The following WARS2 variants were observed in gnomAD, a reference collection of about 807,000 sequenced individuals.
WARS2 encodes the protein tryptophan--tRNA ligase, mitochondrial.
A neutral mutation model predicts 36.5 loss-of-function variants in WARS2; 28 were observed. The ratio of observed to expected loss-of-function variants is 0.77; its 90% CI spans 0.57 to 1.05. WARS2 has a LOEUF of 1.05. Ranked by LOEUF, WARS2 falls within the 50% of genes least tolerant of loss-of-function variation. WARS2 has a pLI of 0.00. For missense variants in WARS2, 435 were observed against 456.8 expected (o/e 0.95, Z 0.44); for synonymous variants, 174 against 178.4 (o/e 0.98, Z 0.20).
At chr1:119,035,054 G>A (rs1647757693) in intron 4 of WARS2, among the ~76,000 whole-genome samples, 1 of 152,138 alleles carries the variant, frequency 6.6e-6, no homozygotes, top group Non-Finnish European at 1.5e-5. Context: ...AAGAAATGAA[G>A]ATGTGAAACC....
At chr1:119,069,632 G>T (rs1214412487) in intron 2 of WARS2, among the ~76,000 whole-genome samples, 1 of 152,116 alleles carries the variant, frequency 6.6e-6, no homozygotes, top group Non-Finnish European at 1.5e-5. Flanking sequence ...ATAACTGAGT[G>T]GTGTAGTAGA....
At chr1:119,119,513 A>G (rs1655200775) in intron 1 of WARS2, among the ~76,000 whole-genome samples, 1 of 152,146 alleles carries the variant, frequency 6.6e-6, no homozygotes, top group African/African-American at 2.4e-5. Flanking sequence ...CAAGACAGGA[A>G]GTCAACAATG....
At chr1:119,043,055 G>A (rs1648509019) in intron 3 of WARS2, among the ~76,000 whole-genome samples, 2 of 152,154 alleles carry the variant, frequency 1.3e-5, no homozygotes, top group South Asian at 2.1e-4. Context: ...TAATAACTGG[G>A]GGGGGCAATA....
chr1:119,080,962 T>C (rs1652147098), intron 1 of WARS2, among the ~76,000 whole-genome samples: 1 of 152,230 alleles, frequency 6.6e-6, no homozygotes, highest in Non-Finnish European at 1.5e-5. Flanking sequence ...AGAAGCATGT[T>C]AGAAAGTAGG....
intron 2 of WARS2, among the ~76,000 whole-genome samples, chr1:119,050,931 G>A (rs1197636523): frequency 2.0e-5 from 3 of 152,022 alleles, no homozygotes; most frequent in Non-Finnish European, 4.4e-5. Flanking sequence ...CATCAATAAT[G>A]TTTTTAATAT....
At chr1:119,098,073 A>G (rs1448866834) in intron 1 of WARS2, among the ~76,000 whole-genome samples, 2 of 151,980 alleles carry the variant, frequency 1.3e-5, no homozygotes, top group Non-Finnish European at 2.9e-5. Context: ...ATATGGTGAA[A>G]CCCCGTCTCT....
chr1:119,033,353 A>T lies in WARS2; in HGVS notation c.641T>A (p.Met214Lys), dbSNP rs760419506. 1 of 1,614,190 alleles carries T rather than the reference A, an allele frequency of 6.2e-7. No individual in the cohort carries two copies. The highest frequency in any genetic ancestry group is 1.7e-5 in the Admixed American group (1 of 60,032). Residue 214 changes from methionine to lysine, a missense_variant, in exon 6 of 6, where the codon ATG (methionine) becomes AAG (lysine). By Grantham distance (95) the Met-to-Lys change is moderately conservative. Transcript: ENST00000235521. ...ATCACGTAGGGATTTTACCTTCTTC[A>T]TGGATGCTAGGTTAAAAACACCAAC... is the stretch of plus-strand genomic sequence containing the variant. ...FPVPESILTS[M>K]KKVKSLRDPS...
At chr1:119,086,175 T>C (rs1652646553) in intron 1 of WARS2, among the ~76,000 whole-genome samples, 1 of 152,218 alleles carries the variant, frequency 6.6e-6, no homozygotes, top group South Asian at 2.1e-4. Flanking sequence ...AAGAAAATTC[T>C]AACATTGATT....
At chr1:119,078,923 T>C (rs1170872330) in intron 1 of WARS2, among the ~76,000 whole-genome samples, 10 of 149,298 alleles carry the variant, frequency 6.7e-5, no homozygotes, top group Non-Finnish European at 1.0e-4. Flanking sequence ...TGTGTGTGCA[T>C]ATATGGATAC....
intron 1 of WARS2, among the ~76,000 whole-genome samples, chr1:119,131,625 G>T (rs1656117395): frequency 6.6e-6 from 1 of 152,026 alleles, no homozygotes; most frequent in African/African-American, 2.4e-5. Context: ...ACCACGCCCG[G>T]CTAATTTGTT....
chr1:119,120,999 C>G (rs916781701), intron 1 of WARS2, among the ~76,000 whole-genome samples: 4 of 152,072 alleles, frequency 2.6e-5, no homozygotes, highest in African/African-American at 9.7e-5. Context: ...CAAGGATACC[C>G]ACTTTCACCA....
chr1:119,093,263 T>C (rs1653169702), intron 1 of WARS2, among the ~76,000 whole-genome samples: 1 of 152,016 alleles, frequency 6.6e-6, no homozygotes, highest in South Asian at 2.1e-4. Flanking sequence ...AAGTATCATA[T>C]TCACTGAAAA....
intron 1 of WARS2, chr1:119,085,463 TC>T (rs1652573473): frequency 1.3e-6 from 2 of 1,526,914 alleles, no homozygotes; most frequent in East Asian, 4.5e-5. Flanking sequence ...TTTCTTTTTT[TC>T]CTTTTTGTCT....
intron 4 of WARS2, among the ~76,000 whole-genome samples, chr1:119,036,341 C>G (rs1014081129): frequency 6.6e-6 from 1 of 152,176 alleles, no homozygotes; most frequent in Non-Finnish European, 1.5e-5. Flanking sequence ...GTGGCAAAAA[C>G]AAAAATATTC....
At chr1:119,108,910 T>C (rs1291475645) in intron 1 of WARS2, among the ~76,000 whole-genome samples, 1 of 151,960 alleles carries the variant, frequency 6.6e-6, no homozygotes, top group Non-Finnish European at 1.5e-5. Context: ...TTCAATAAGT[T>C]GTACCTTCAG....
At chr1:119,091,104 G>A (rs1032620377) in intron 1 of WARS2, among the ~76,000 whole-genome samples, 1 of 152,196 alleles carries the variant, frequency 6.6e-6, no homozygotes, top group Non-Finnish European at 1.5e-5. Context: ...ACAATGTAGT[G>A]TAATCTAAAG....
At chr1:119,061,773 G>A (rs1380764270) in intron 2 of WARS2, among the ~76,000 whole-genome samples, 3 of 151,888 alleles carry the variant, frequency 2.0e-5, no homozygotes, top group Admixed American at 2.0e-4. Flanking sequence ...TGAGTAAGCA[G>A]GTTAACAAAA....
intron 2 of WARS2, among the ~76,000 whole-genome samples, chr1:119,062,476 A>G (rs1254159092): frequency 6.6e-6 from 1 of 151,808 alleles, no homozygotes; most frequent in Admixed American, 6.6e-5. Context: ...TAAAAAAAAA[A>G]GGACTTTTAC....
chr1:119,066,947 C>G (rs1207817746), intron 2 of WARS2, among the ~76,000 whole-genome samples: 1 of 151,950 alleles, frequency 6.6e-6, no homozygotes, highest in Admixed American at 6.6e-5. Context: ...AAAAGTATGC[C>G]CTCTGTAATA....
Sources: gnomAD v4.1 joint callset for allele counts (sites outside exome capture counted in the v4.1 genomes callset) on GRCh38, gnomAD v4.1.1 for gene constraint, MANE v1.5 for transcripts, NCBI Gene and HGNC (gene_info 2026-07-23, HGNC 2026-07-21) for gene names.